Variants in BEGAIN observed in about 807,000 individuals in gnomAD.
The protein encoded by BEGAIN is brain enriched guanylate kinase associated.
BEGAIN carries 19 observed loss-of-function variants against 35.8 expected under a neutral mutation model. The observed-to-expected ratio is 0.53, with a 90% confidence interval of 0.37 to 0.78. The LOEUF (loss-of-function observed/expected upper bound fraction) is 0.78. BEGAIN is among the 30% of genes least tolerant of loss of function. BEGAIN has a pLI of 0.00. For missense variants in BEGAIN, 795 were observed against 853.6 expected (o/e 0.93, Z 0.85); for synonymous variants, 462 against 388.6 (o/e 1.19, Z -2.22).
At chr14:100,577,072 G>C (rs1189687612) in intron 1 of BEGAIN, among the ~76,000 whole-genome samples, 1 of 152,212 alleles carries the variant, frequency 6.6e-6, no homozygotes, top group Non-Finnish European at 1.5e-5. Context: ...GCCGCAGTGG[G>C]GAGGGGATTA....
chr14:100,567,058 G>C lies in BEGAIN; in HGVS notation c.71+853C>G, dbSNP rs1009704221. On this transcript the variant is annotated intron_variant, in intron 2 of 6. Transcript: ENST00000554140. The surrounding 1 kb of genome is among the most constrained non-coding windows in gnomAD (Gnocchi z 5.1). ...TCCCCAGGATGCCAATTCTGGCCTC[G>C]GGAGGGAGTGGCGAGGACGGAGACC... is the stretch of plus-strand genomic sequence containing the variant. 2.0e-5 allele frequency among the ~76,000 whole-genome samples: 3 copies of C among 152,198 alleles called. No individual in the cohort carries two copies. The highest frequency in any genetic ancestry group is 6.5e-5 in the Admixed American group (1 of 15,290).
rs1376487731 is a variant in BEGAIN at position 100,573,776 on chromosome 14, A to G, written c.43-5837T>C. Among the ~76,000 whole-genome samples, 1 of 152,046 alleles carries G rather than the reference A, an allele frequency of 6.6e-6. No homozygotes were observed. Among genetic ancestry groups the G allele is most frequent in the Non-Finnish European group, 1.5e-5 (1 of 67,998 alleles). ...CTTGGAGTTCAGGGGAGGCTCCAGG[A>G]GATGTGAACCTGGAAATGGCCAGAT... On this transcript the variant is annotated intron_variant, in intron 1 of 6. Transcript: ENST00000554140. The surrounding 1 kb of genome is among the most constrained non-coding windows in gnomAD (Gnocchi z 4.2).
At position 100,587,244 on chromosome 14, in the gene BEGAIN, C is replaced by T; in HGVS notation, c.42+5G>A. The T allele has an allele frequency of 5.1e-6, 1 of 195,836 alleles. No individual in the cohort carries two copies. The highest frequency in any genetic ancestry group is 1.0e-5 in the Non-Finnish European group (1 of 95,976). The allele number at this position is 195,836 out of a possible 1,614,324, so 12.1% of individuals were successfully genotyped here. ...GCCCTGCCCTCCCGGCTCGCAGGTA[C>T]TCACCGCCCGGCGCAGCCGGCCCGG... On this transcript the variant is annotated splice_donor_5th_base_variant and intron_variant, in intron 1 of 6. Coordinates refer to ENST00000554140, the MANE Select transcript of BEGAIN (RefSeq NM_001385089.1).
intron 1 of BEGAIN, among the ~76,000 whole-genome samples, chr14:100,571,270 C>G (rs76260925): frequency 0.012 from 1,833 of 152,322 alleles, 43 homozygotes; most frequent in African/African-American, 0.042. Context: ...CTAGCCCCTG[C>G]TCTCTCCTCA....
chr14:100,545,170 C>T, intron 3 of BEGAIN, 104 bp from the exon 4 acceptor site: 1 of 1,578,592 alleles, frequency 6.3e-7, no homozygotes, highest in Middle Eastern at 1.7e-4. Context: ...ATTTGGACCT[C>T]CTGAGCTCAC....
At chr14:100,581,893 C>T (rs1355001359) in intron 1 of BEGAIN, among the ~76,000 whole-genome samples, 1 of 152,238 alleles carries the variant, frequency 6.6e-6, no homozygotes, top group Non-Finnish European at 1.5e-5. Context: ...AGGACCCTGC[C>T]GAGTGGGCAG....
At chr14:100,566,179 C>A (rs2034665750) in intron 2 of BEGAIN, among the ~76,000 whole-genome samples, 1 of 152,248 alleles carries the variant, frequency 6.6e-6, no homozygotes, top group Non-Finnish European at 1.5e-5. Flanking sequence ...CGATGCAGCC[C>A]AGGAGCCCAG....
At chr14:100,543,507 G>A (rs1173872127) in intron 5 of BEGAIN, among the ~76,000 whole-genome samples, 1 of 152,210 alleles carries the variant, frequency 6.6e-6, no homozygotes, top group African/African-American at 2.4e-5. Context: ...CCAAGGGCAG[G>A]AGTCCTGAGT....
chr14:100,558,040 G>A lies in BEGAIN; in HGVS notation c.71+9871C>T, dbSNP rs897447855. ...CCACTGGCTTCCCCCAGCTGCAGGT[G>A]GGGCTCCAGCTAGTCTCCCTCGCTC... On this transcript the variant is annotated intron_variant, in intron 2 of 6. Coordinates refer to ENST00000554140, the MANE Select transcript of BEGAIN (RefSeq NM_001385089.1). The surrounding 1 kb of genome is among the most constrained non-coding windows in gnomAD (Gnocchi z 4.6). Among the ~76,000 whole-genome samples, 1 of 152,094 alleles carries A rather than the reference G, an allele frequency of 6.6e-6. No individual in the cohort carries two copies. The highest frequency in any genetic ancestry group is 2.4e-5 in the African/African-American group (1 of 41,398).
intron 2 of BEGAIN, among the ~76,000 whole-genome samples, chr14:100,564,305 G>A (rs1399988947): frequency 6.6e-6 from 1 of 152,064 alleles, no homozygotes; most frequent in Non-Finnish European, 1.5e-5. Flanking sequence ...TCTATTTTGG[G>A]GGGAAAACGT....
intron 6 of BEGAIN, chr14:100,540,042 G>T: frequency 6.0e-6 from 1 of 167,706 alleles, no homozygotes; most frequent in Non-Finnish European, 1.3e-5. Context: ...GCATCAGACA[G>T]GCCTGGTTCT....
chr14:100,549,340 A>G (rs1357552264), intron 2 of BEGAIN: 2 of 152,256 alleles, frequency 1.3e-5, no homozygotes, highest in Non-Finnish European at 2.9e-5. Flanking sequence ...CCACCCACCT[A>G]TGGCCCTCAG....
At chr14:100,562,316 C>A (rs2034329813) in intron 2 of BEGAIN, among the ~76,000 whole-genome samples, 1 of 152,094 alleles carries the variant, frequency 6.6e-6, no homozygotes, top group Non-Finnish European at 1.5e-5. Flanking sequence ...TAGTTCCCCA[C>A]CCTCAATGAG....
At chr14:100,585,580 G>A (rs1042969655) in intron 1 of BEGAIN, among the ~76,000 whole-genome samples, 1 of 151,602 alleles carries the variant, frequency 6.6e-6, no homozygotes, top group Non-Finnish European at 1.5e-5. Context: ...CATAGCAGGC[G>A]TTCCATAAAT....
Position 100,538,392 on chromosome 14 carries a change from C to T in BEGAIN, c.1416G>A (p.Gly472=). Residue 472 remains glycine (G), a synonymous_variant, in exon 7 of 7, where the codon GGG becomes GGA. Coordinates refer to ENST00000554140, the MANE Select transcript of BEGAIN (RefSeq NM_001385089.1). ...SFSERYYGGA[G]GSPGKKADGR... The stretch of plus-strand genomic sequence containing the variant: ...CGTCGGCCTTCTTGCCCGGGCTGCC[C>T]CCGGCCCCGCCGTAGTAGCGTTCAG... The T allele has an allele frequency of 6.5e-7, 1 of 1,530,630 alleles. No homozygotes were observed. Among genetic ancestry groups the T allele is most frequent in the Non-Finnish European group, 8.7e-7 (1 of 1,145,006 alleles). 94.8% of individuals were successfully genotyped at this position (1,530,630 alleles called of 1,614,324 possible).
chr14:100,567,593 G>T lies in BEGAIN; in HGVS notation c.71+318C>A, dbSNP rs566974773. ...TCCCCGGGGACCAGCGAGAGTCCAG[G>T]GCAGGGAGCCAGAGGGGCGCTGAGG... On this transcript the variant is annotated intron_variant, in intron 2 of 6. Coordinates refer to ENST00000554140, the MANE Select transcript of BEGAIN (RefSeq NM_001385089.1). This position sits in a 1 kb window ranked among gnomAD's most constrained non-coding sequence, Gnocchi z 5.1. Among the ~76,000 whole-genome samples, 1,429 of 152,000 alleles carry T rather than the reference G, an allele frequency of 9.4e-3. 12 individuals carry two copies. The highest frequency in any genetic ancestry group is 0.015 in the Non-Finnish European group (1,031 of 67,870).
chr14:100,545,265 T>G lies in BEGAIN; in HGVS notation c.234-199A>C, dbSNP rs2032217628. The G allele has an allele frequency of 7.1e-6, 10 of 1,417,158 alleles. No individual in the cohort carries two copies. In the South Asian group the frequency reaches 1.2e-4, roughly 17 times the overall value. The allele number at this position is 1,417,158 out of a possible 1,614,324, so 87.8% of individuals were successfully genotyped here. A position where few individuals can be genotyped will look rare whatever the true frequency, so the allele number is the denominator to read the frequency against. On this transcript the variant is annotated intron_variant, in intron 3 of 6. Transcript: ENST00000554140. ...TTAAAGCAAACTTTTGTAGAAGCCT[T>G]TCCTAGGCCAGGGCCCAGGACTGTA...
intron 2 of BEGAIN, among the ~76,000 whole-genome samples, chr14:100,562,550 T>C (rs543870158): frequency 6.6e-6 from 1 of 151,414 alleles, no homozygotes; most frequent in East Asian, 2.0e-4. Context: ...CACCCCCTTT[T>C]CCCCCACACC....
chr14:100,564,184 C>T (rs188910294), intron 2 of BEGAIN, among the ~76,000 whole-genome samples: 5 of 151,656 alleles, frequency 3.3e-5, no homozygotes, highest in Admixed American at 3.3e-4. Flanking sequence ...ATGTTGAACT[C>T]CTTGACACAG....
Sources: allele counts gnomAD v4.1 joint callset (sites outside exome capture counted in the v4.1 genomes callset), GRCh38; gene constraint gnomAD v4.1.1; non-coding constraint Gnocchi (gnomAD v3.1); transcripts MANE v1.5; gene names NCBI Gene and HGNC (gene_info 2026-07-23, HGNC 2026-07-21).